GSE1: variants seen among roughly 807,000 people sequenced by gnomAD.
The protein encoded by GSE1 is genetic suppressor element 1.
GSE1 carries 32 observed loss-of-function variants against 112.6 expected under a neutral mutation model. That is an observed-to-expected ratio of 0.28 (90% CI 0.21 to 0.38). The LOEUF is 0.38. Ranked by LOEUF, GSE1 falls within the 10% of genes least tolerant of loss-of-function variation. The pLI, the probability that GSE1 is intolerant of heterozygous loss-of-function variation, is 1.00. For missense variants in GSE1, 2,348 were observed against 1,699.2 expected, an observed-to-expected ratio of 1.38 and a Z score of -6.71; for synonymous variants, 1,115 against 735.6, an observed-to-expected ratio of 1.52 and a Z score of -8.35.
chr16:85,625,824 G>A (rs529617030), intron 1 of GSE1, among the ~76,000 whole-genome samples: 3 of 152,160 alleles, frequency 2.0e-5, no homozygotes, highest in Non-Finnish European at 4.4e-5. Context: ...GTGGTTGACC[G>A]GGGCCCTGGA....
intron 2 of GSE1, among the ~76,000 whole-genome samples, chr16:85,487,798 A>C (rs2050889472): frequency 6.6e-6 from 1 of 152,332 alleles, no homozygotes; most frequent in African/African-American, 2.4e-5. Flanking sequence ...GGTGGAGCTC[A>C]AGGCAGGCAT....
At chr16:85,571,972 TGGACCCTGGA>T (rs2046000763) in intron 1 of GSE1, among the ~76,000 whole-genome samples, 1 of 152,070 alleles carries the variant, frequency 6.6e-6, no homozygotes, top group African/African-American at 2.4e-5. Flanking sequence ...GGGGACCAGG[TGGACCCTGGA>T]GGACATCAGT....
chr16:85,371,938 C>T (rs1213198956), intron 2 of GSE1, among the ~76,000 whole-genome samples: 1 of 152,188 alleles, frequency 6.6e-6, no homozygotes, highest in Non-Finnish European at 1.5e-5. Context: ...GCCAGGCAGC[C>T]CTGGCTGAAG....
chr16:85,287,289 G>C (rs2045061668), intron 1 of GSE1, among the ~76,000 whole-genome samples: 1 of 152,238 alleles, frequency 6.6e-6, no homozygotes, highest in African/African-American at 2.4e-5. Flanking sequence ...GCTGACGCAT[G>C]GGGCCGGAGC....
chr16:85,355,235 A>C lies in GSE1; in HGVS notation c.2284-2228A>C, dbSNP rs563990631. On this transcript the variant is annotated intron_variant, in intron 1 of 2. Transcript: ENST00000637419. ...CACTAATCCCTAAAAGAAAAAAAAAACAAAAAACCGGATCAACAGAAAGTT... is the reference window on the plus strand; with the variant it reads ...CACTAATCCCTAAAAGAAAAAAAAACCAAAAAACCGGATCAACAGAAAGTT... 3.3e-5 allele frequency among the ~76,000 whole-genome samples: 5 copies of C among 152,102 alleles called. No homozygotes were observed. The South Asian group carries it at 6.2e-4, about 19-fold the overall frequency.
chr16:85,523,673 C>T (rs2052267185), intron 2 of GSE1, among the ~76,000 whole-genome samples: 1 of 152,238 alleles, frequency 6.6e-6, no homozygotes, highest in Non-Finnish European at 1.5e-5. Context: ...TGCCTCCACC[C>T]CCAAACCTTC....
chr16:85,326,742 C>T (rs770682039), intron 1 of GSE1, among the ~76,000 whole-genome samples: 2 of 152,216 alleles, frequency 1.3e-5, no homozygotes, highest in Non-Finnish European at 2.9e-5. Flanking sequence ...TGGCCTGGTG[C>T]TTACTTTGTG....
At chr16:85,506,557 A>G (rs1246817481) in intron 2 of GSE1, among the ~76,000 whole-genome samples, 2 of 152,064 alleles carry the variant, frequency 1.3e-5, no homozygotes, top group Non-Finnish European at 2.9e-5. Context: ...GCTAGTGCAG[A>G]AGGCGTGTTT....
intron 2 of GSE1, among the ~76,000 whole-genome samples, chr16:85,440,636 C>A (rs72798946): frequency 6.6e-6 from 1 of 152,250 alleles, no homozygotes; most frequent in South Asian, 2.1e-4. Flanking sequence ...CACTGGTCAG[C>A]TGGATGCTAA....
At chr16:85,205,235 T>C (rs1387023727) in intron 1 of GSE1, among the ~76,000 whole-genome samples, 1 of 152,154 alleles carries the variant, frequency 6.6e-6, no homozygotes, top group South Asian at 2.1e-4. Context: ...GGGTTCAAGC[T>C]GTTCTCCTGC....
At chr16:85,194,394 A>T (rs2074887518) in intron 1 of GSE1, among the ~76,000 whole-genome samples, 1 of 152,178 alleles carries the variant, frequency 6.6e-6, no homozygotes, top group Non-Finnish European at 1.5e-5. Context: ...TATTTCTTCT[A>T]GATGTGCACA....
chr16:85,597,807 C>T (rs566248041), intron 1 of GSE1, among the ~76,000 whole-genome samples: 1 of 152,314 alleles, frequency 6.6e-6, no homozygotes, highest in African/African-American at 2.4e-5. Flanking sequence ...CCAGCCTCAG[C>T]CATTACTGGT....
chr16:85,326,991 G>A (rs561669069), intron 1 of GSE1, among the ~76,000 whole-genome samples: 2 of 152,312 alleles, frequency 1.3e-5, no homozygotes, highest in East Asian at 3.9e-4. Context: ...GGCTGGTCCT[G>A]CCCCACAGGG....
intron 1 of GSE1, among the ~76,000 whole-genome samples, chr16:85,236,990 C>T (rs1450950920): frequency 6.6e-6 from 1 of 152,216 alleles, no homozygotes; most frequent in African/African-American, 2.4e-5. Context: ...CAAGGGTTTC[C>T]ATTTCAAGCT....
intron 1 of GSE1, among the ~76,000 whole-genome samples, chr16:85,226,750 C>G (rs1303689772): frequency 7.2e-6 from 1 of 139,436 alleles, no homozygotes; most frequent in African/African-American, 2.7e-5. Flanking sequence ...TGTGGTGCTG[C>G]CTGGACTGGT....
At chr16:85,279,009 C>G (rs2044775429) in intron 1 of GSE1, 1 of 152,576 alleles carries the variant, frequency 6.6e-6, no homozygotes, top group African/African-American at 2.4e-5. Flanking sequence ...GGCCACGCAT[C>G]TGAGGTTTTG....
At chr16:85,650,029 C>T (rs893316127) in intron 3 of GSE1, among the ~76,000 whole-genome samples, 1 of 152,178 alleles carries the variant, frequency 6.6e-6, no homozygotes. Flanking sequence ...TTCACGCCTT[C>T]CCTGGCTGAG....
intron 2 of GSE1, among the ~76,000 whole-genome samples, chr16:85,510,337 G>T (rs2051694378): frequency 6.6e-6 from 1 of 152,158 alleles, no homozygotes; most frequent in African/African-American, 2.4e-5. Flanking sequence ...ATTCTTAATG[G>T]GGCTGTACTC....
At chr16:85,304,601 C>CCGGG (rs1555557422) in intron 1 of GSE1, among the ~76,000 whole-genome samples, 1 of 78,180 alleles carries the variant, frequency 1.3e-5, no homozygotes, top group African/African-American at 4.5e-5. Flanking sequence ...AAGCCGGGGG[C>CCGGG]GGGGGGGTGG....
Sources: gnomAD v4.1 joint callset for allele counts (sites outside exome capture counted in the v4.1 genomes callset) on GRCh38, gnomAD v4.1.1 for gene constraint, MANE v1.5 for transcripts, NCBI Gene and HGNC (gene_info 2026-07-23, HGNC 2026-07-21) for gene names.